SGTB: variants seen among roughly 807,000 people sequenced by gnomAD.
SGTB encodes small glutamine-rich tetratricopeptide repeat-containing protein beta.
A neutral mutation model predicts 43.9 loss-of-function variants in SGTB; 19 were observed. The ratio of observed to expected loss-of-function variants is 0.43; its 90% CI spans 0.30 to 0.63. The LOEUF (loss-of-function observed/expected upper bound fraction) is 0.63. SGTB is among the 30% of genes least tolerant of loss of function. The pLI, the probability that SGTB is intolerant of heterozygous loss-of-function variation, is 0.12. For synonymous variants in SGTB, 116 were observed against 117.3 expected (o/e 0.99, Z 0.07); for missense variants, 304 against 358.9 (o/e 0.85, Z 1.24).
rs1757126452 is a variant in SGTB at position 65,670,087 on chromosome 5, T to G, written c.*159A>C. The G allele has an allele frequency of 5.1e-6, 3 of 586,134 alleles. No individual in the cohort carries two copies. In the South Asian group the frequency reaches 7.1e-5, roughly 14 times the overall value. 36.3% of individuals were successfully genotyped at this position (586,134 alleles called of 1,614,324 possible). ...TGATAAACCTATTGTCTAAACAGAT[T>G]TATTCTTTAAGAATATACACAAGAG... On this transcript the variant is annotated 3_prime_UTR_variant, in exon 11 of 11. Coordinates refer to ENST00000381007, the MANE Select transcript of SGTB (RefSeq NM_019072.3).
chr5:65,716,949 A>G (rs1758164042), intron 2 of SGTB, among the ~76,000 whole-genome samples: 1 of 152,120 alleles, frequency 6.6e-6, no homozygotes, highest in South Asian at 2.1e-4. Context: ...AAAGAAGAGG[A>G]ACCAGAAAAG....
chr5:65,698,544 TTAAAC>T (rs1435121913), intron 5 of SGTB, among the ~76,000 whole-genome samples: 11 of 152,052 alleles, frequency 7.2e-5, no homozygotes, highest in African/African-American at 2.4e-4. Context: ...TGAGACCTAA[TTAAAC>T]TAAAAGCCTT....
At position 65,666,733 on chromosome 5, in the gene SGTB, G is replaced by A. The variant is rs1341440022; in HGVS notation, c.*3513C>T. On this transcript the variant is annotated 3_prime_UTR_variant, in exon 11 of 11. Transcript: ENST00000381007. ...GGAAATGTAGGCAAGTGGACAGATA[G>A]CATCTAGATTGAATTTGTTACAGGT... 6.6e-6 allele frequency: 1 copy of A among 152,106 alleles called. No individual in the cohort carries two copies. The highest frequency in any genetic ancestry group is 1.5e-5 in the Non-Finnish European group (1 of 67,988). The allele number at this position is 152,106 out of a possible 1,614,324, so 9.4% of individuals were successfully genotyped here.
intron 5 of SGTB, among the ~76,000 whole-genome samples, chr5:65,701,009 CAAAAAAAA>C (rs1161067337): frequency 2.4e-3 from 38 of 16,120 alleles, no homozygotes; most frequent in Non-Finnish European, 3.2e-3. Flanking sequence ...GACTCCGTCT[CAAAAAAAA>C]AAAAAAAAAA....
At chr5:65,678,736 T>A (rs991708339) in intron 8 of SGTB, among the ~76,000 whole-genome samples, 2 of 152,086 alleles carry the variant, frequency 1.3e-5, no homozygotes, top group Non-Finnish European at 2.9e-5. Context: ...GCAAAAGCAA[T>A]GGGGAAAGGA....
rs772032874 is a variant in SGTB, at chr5:65,680,665, T to C, written c.609A>G (p.Val203=). Reference sequence around the variant, plus strand: ...GGCATTAACAACTTACAGGACTGGATACCTCTCTTAACTTCTGTTCTGCTA... The same window carrying C: ...GGCATTAACAACTTACAGGACTGGACACCTCTCTTAACTTCTGTTCTGCTA... ...LKIAEQKLRE[V]SSPTGTGLSF... Residue 203 remains valine (V), a synonymous_variant, in exon 7 of 11, where the codon GTA becomes GTG. Transcript: ENST00000381007. 1.2e-5 allele frequency: 19 copies of C among 1,614,068 alleles called. No individual in the cohort carries two copies. In the Admixed American group the frequency reaches 3.0e-4, roughly 25 times the overall value.
chr5:65,672,151 C>G (rs1333069073), intron 9 of SGTB, 93 bp downstream of exon 9: 3 of 1,591,094 alleles, frequency 1.9e-6, no homozygotes, highest in Non-Finnish European at 1.7e-6. Flanking sequence ...TCATTCAGAA[C>G]AGTTTCATCA....
At chr5:65,706,716 C>T (rs1311525065) in intron 4 of SGTB, among the ~76,000 whole-genome samples, 1 of 151,950 alleles carries the variant, frequency 6.6e-6, no homozygotes, top group African/African-American at 2.4e-5. Flanking sequence ...CCTGTAGTCC[C>T]AGCTACTCGG....
At chr5:65,683,253 A>G (rs1757433760) in intron 6 of SGTB, among the ~76,000 whole-genome samples, 1 of 152,150 alleles carries the variant, frequency 6.6e-6, no homozygotes, top group African/African-American at 2.4e-5. Flanking sequence ...CTGTTTCAGC[A>G]TGAGAGCTGA....
intron 4 of SGTB, among the ~76,000 whole-genome samples, chr5:65,704,584 G>A (rs577226334): frequency 2.6e-4 from 39 of 152,272 alleles, no homozygotes; most frequent in African/African-American, 9.1e-4. Context: ...ACAATGCAAA[G>A]TCTTTTAAAA....
chr5:65,689,853 T>G (rs891970190), intron 5 of SGTB, among the ~76,000 whole-genome samples: 10 of 152,032 alleles, frequency 6.6e-5, no homozygotes, highest in Admixed American at 6.6e-5. Flanking sequence ...TCAGACTAAT[T>G]ATAAAAATGT....
At chr5:65,700,396 C>T (rs536115584) in intron 5 of SGTB, among the ~76,000 whole-genome samples, 19 of 152,222 alleles carry the variant, frequency 1.2e-4, no homozygotes, top group African/African-American at 4.6e-4. Flanking sequence ...GAGCCGGGTG[C>T]GGTGGCTCAT....
At chr5:65,694,305 G>C (rs540922668) in intron 5 of SGTB, among the ~76,000 whole-genome samples, 3 of 152,098 alleles carry the variant, frequency 2.0e-5, no homozygotes, top group South Asian at 4.2e-4. Flanking sequence ...AGTGGCAGGA[G>C]CCTGTAGTCC....
chr5:65,704,908 T>A (rs1034595873), intron 4 of SGTB, among the ~76,000 whole-genome samples: 2 of 152,234 alleles, frequency 1.3e-5, no homozygotes, highest in Non-Finnish European at 2.9e-5. Context: ...TTATGTGCTA[T>A]CCCTTCCAGA....
In SGTB at chr5:65,720,769, A is replaced by G; in HGVS notation, c.39T>C (p.Arg13=). Residue 13 remains arginine (R), a synonymous_variant, in exon 2 of 11, where the codon CGT becomes CGC. Coordinates refer to ENST00000381007, the MANE Select transcript of SGTB (RefSeq NM_019072.3). The part of the protein sequence containing the change: ...SIKHLVYAVI[R]FLREQSQMDT... ...CCATCTGACTTTGTTCCCGTAAGAAACGAATAACTGCATAAACCAGGTGCT... is the reference window on the plus strand; with the variant it reads ...CCATCTGACTTTGTTCCCGTAAGAAGCGAATAACTGCATAAACCAGGTGCT... 6.2e-7 allele frequency: 1 copy of G among 1,613,990 alleles called. No individual in the cohort carries two copies. Among genetic ancestry groups the G allele is most frequent in the Non-Finnish European group, 8.5e-7 (1 of 1,179,956 alleles).
chr5:65,711,636 T>C (rs762901452), intron 3 of SGTB, among the ~76,000 whole-genome samples: 6 of 152,250 alleles, frequency 3.9e-5, no homozygotes, highest in Non-Finnish European at 7.3e-5. Context: ...TATCTCCTTA[T>C]ATCTTGTCAT....
rs1338521445 is a variant in SGTB, at chr5:65,680,810, TA to T, written c.480-17del. The T allele has an allele frequency of 1.2e-5, 19 of 1,607,278 alleles. No individual in the cohort carries two copies. Among genetic ancestry groups the T allele is most frequent in the Non-Finnish European group, 1.5e-5 (18 of 1,177,932 alleles). ...GAGGGCCAGCCTGAAGGGAATAGAATATAAGAATATCAGATATATGATTAAA... is the reference window on the plus strand; with the variant it reads ...GAGGGCCAGCCTGAAGGGAATAGAATTAAGAATATCAGATATATGATTAAA... On this transcript the variant is annotated splice_polypyrimidine_tract_variant and intron_variant, in intron 6 of 10. Coordinates refer to ENST00000381007, the MANE Select transcript of SGTB (RefSeq NM_019072.3).
intron 6 of SGTB, 141 bp from the exon 7 acceptor site, chr5:65,680,935 C>G: frequency 1.1e-6 from 1 of 913,888 alleles, no homozygotes; most frequent in Non-Finnish European, 1.6e-6. Context: ...CTATGGCTCA[C>G]GGGAGCAAAA....
intron 8 of SGTB, among the ~76,000 whole-genome samples, chr5:65,676,550 A>C (rs1422706367): frequency 2.0e-5 from 3 of 152,186 alleles, no homozygotes; most frequent in Non-Finnish European, 2.9e-5. Flanking sequence ...TAACAAAGAT[A>C]TTCAAACCTG....
Sources: allele counts gnomAD v4.1 joint callset (sites outside exome capture counted in the v4.1 genomes callset), GRCh38; gene constraint gnomAD v4.1.1; transcripts MANE v1.5; gene names NCBI Gene and HGNC (gene_info 2026-07-23, HGNC 2026-07-21).